The following RGS6 variants were observed in gnomAD, a reference collection of about 807,000 sequenced individuals.
RGS6 encodes the protein regulator of G protein signaling 6.
Under a neutral mutation model 78.5 loss-of-function variants are expected in RGS6, and 30 were observed. The ratio of observed to expected loss-of-function variants is 0.38; its 90% CI spans 0.29 to 0.52. The LOEUF (loss-of-function observed/expected upper bound fraction) is 0.52. Ranked by LOEUF, RGS6 falls within the 20% of genes least tolerant of loss-of-function variation. The probability of loss-of-function intolerance (pLI) is 0.85; values close to 1 mark genes in which losing one functional copy is unlikely to be tolerated. For synonymous variants in RGS6, 206 were observed against 206.0 expected, an observed-to-expected ratio of 1.00 and a Z score of 0.00; for missense variants, 495 against 609.7, an observed-to-expected ratio of 0.81 and a Z score of 1.98.
At chr14:72,061,031 C>T (rs1043994582) in intron 2 of RGS6, among the ~76,000 whole-genome samples, 1 of 152,164 alleles carries the variant, frequency 6.6e-6, no homozygotes, top group African/African-American at 2.4e-5. Flanking sequence ...TGCAAATATT[C>T]TGGCAGCATT....
At chr14:71,986,012 C>A (rs1382934925) in intron 2 of RGS6, among the ~76,000 whole-genome samples, 1 of 152,156 alleles carries the variant, frequency 6.6e-6, no homozygotes, top group Non-Finnish European at 1.5e-5. Flanking sequence ...GTTCTGCAGC[C>A]AAGTTTGAAG....
chr14:72,439,810 T>A (rs890897625), intron 3 of RGS6, among the ~76,000 whole-genome samples: 2 of 152,202 alleles, frequency 1.3e-5, no homozygotes, highest in African/African-American at 4.8e-5. Context: ...CTGGCAGACC[T>A]TCATCAGAGA....
chr14:72,387,357 G>A (rs763029686), intron 3 of RGS6, among the ~76,000 whole-genome samples: 8 of 152,234 alleles, frequency 5.3e-5, no homozygotes, highest in South Asian at 2.1e-4. Flanking sequence ...AGACCATCCT[G>A]GCTAACACAG....
At position 72,017,555 on chromosome 14, in the gene RGS6, C is replaced by G. The variant is rs115691246; in HGVS notation, c.84+52680C>G. Among the ~76,000 whole-genome samples the G allele has an allele frequency of 4.6e-3, 703 of 152,214 alleles. 5 individuals carry two copies. Among genetic ancestry groups the G allele is most frequent in the African/African-American group, 0.016 (682 of 41,524 alleles). On this transcript the variant is annotated intron_variant, in intron 2 of 17. Transcript: ENST00000553525. ...TTATAACATCAGAGTTGAATAGTTGCAACAGAGACTACCTAGTTTGCAAAG... is the reference window on the plus strand; with the variant it reads ...TTATAACATCAGAGTTGAATAGTTGGAACAGAGACTACCTAGTTTGCAAAG...
At position 72,493,653 on chromosome 14, in the gene RGS6, G is replaced by T. The variant is rs2096607295; in HGVS notation, c.855-1499G>T. On this transcript the variant is annotated intron_variant, in intron 12 of 17. Coordinates refer to ENST00000553525, the MANE Select transcript of RGS6 (RefSeq NM_001204424.2). ...AACCAGCAAGGGCCATCATGAAATT[G>T]CAGAACACTCTAGCAATAAAGAGAT... Among the ~76,000 whole-genome samples, 3 of 152,064 alleles carry T rather than the reference G, an allele frequency of 2.0e-5. No individual in the cohort carries two copies. In the South Asian group the frequency reaches 6.2e-4, roughly 31 times the overall value.
intron 2 of RGS6, among the ~76,000 whole-genome samples, chr14:72,189,786 C>A (rs1458319468): frequency 1.3e-5 from 2 of 152,022 alleles, no homozygotes; most frequent in South Asian, 4.2e-4. Flanking sequence ...TCTTTCTAGG[C>A]AGAAATGAAT....
intron 2 of RGS6, among the ~76,000 whole-genome samples, chr14:72,210,969 A>G (rs1308113571): frequency 6.6e-6 from 1 of 152,182 alleles, no homozygotes; most frequent in African/African-American, 2.4e-5. Flanking sequence ...AAAATGGCCA[A>G]TGTGACATTT....
rs10131300 is a variant in RGS6, at chr14:72,472,787, C to A, written c.537-85C>A. Reference sequence around the variant, plus strand: ...GGCCTTGTGTTCACTTAGCCCCTAGCAACAGGAGCAAACGCTGGAGCAAGT... The same window carrying A: ...GGCCTTGTGTTCACTTAGCCCCTAGAAACAGGAGCAAACGCTGGAGCAAGT... On this transcript the variant is annotated intron_variant, in intron 8 of 17. Transcript: ENST00000553525. 0.71 allele frequency: 691,773 copies of A among 979,808 alleles called. 246,975 individuals are homozygous for A. The highest frequency in any genetic ancestry group is 0.98 in the East Asian group (39,554 of 40,256). 60.7% of individuals were successfully genotyped at this position (979,808 alleles called of 1,614,324 possible). A position where few individuals can be genotyped will look rare whatever the true frequency, so the allele number is the denominator to read the frequency against.
intron 2 of RGS6, chr14:71,990,899 G>C: frequency 2.2e-6 from 1 of 454,726 alleles, no homozygotes; most frequent in Non-Finnish European, 4.4e-6. Flanking sequence ...TCAGTGCTTG[G>C]TGTAGCATCC....
At chr14:72,552,419 G>A (rs1363278796) in intron 17 of RGS6, among the ~76,000 whole-genome samples, 3 of 152,204 alleles carry the variant, frequency 2.0e-5, no homozygotes, top group Non-Finnish European at 4.4e-5. Flanking sequence ...CCAGGCAAAT[G>A]GTGCACGTGT....
intron 2 of RGS6, among the ~76,000 whole-genome samples, chr14:72,056,212 T>TA (rs2093611203): frequency 6.6e-6 from 1 of 152,164 alleles, no homozygotes; most frequent in South Asian, 2.1e-4. Flanking sequence ...CCCAGAGAAG[T>TA]TAAGAAGCCT....
At chr14:72,410,505 C>A (rs1031045037) in intron 3 of RGS6, among the ~76,000 whole-genome samples, 1 of 152,076 alleles carries the variant, frequency 6.6e-6, no homozygotes, top group African/African-American at 2.4e-5. Context: ...ACATTTTCTC[C>A]CATTCTGTAG....
At chr14:72,381,745 A>G (rs1351913598) in intron 3 of RGS6, among the ~76,000 whole-genome samples, 3 of 152,162 alleles carry the variant, frequency 2.0e-5, no homozygotes, top group Non-Finnish European at 2.9e-5. Flanking sequence ...AAGGAATGAT[A>G]AATACTGTGG....
chr14:72,394,482 G>C (rs1159109553), intron 3 of RGS6, among the ~76,000 whole-genome samples: 1 of 152,136 alleles, frequency 6.6e-6, no homozygotes, highest in African/African-American at 2.4e-5. Context: ...GACATTCCTA[G>C]AGCGGCCATT....
intron 2 of RGS6, among the ~76,000 whole-genome samples, chr14:72,152,003 G>A (rs2096696646): frequency 6.6e-6 from 1 of 152,188 alleles, no homozygotes; most frequent in Non-Finnish European, 1.5e-5. Context: ...TTCCCAAGGA[G>A]ATTTGGGTTG....
intron 2 of RGS6, among the ~76,000 whole-genome samples, chr14:72,040,790 A>C (rs972516060): frequency 2.0e-5 from 3 of 152,094 alleles, no homozygotes; most frequent in African/African-American, 7.2e-5. Flanking sequence ...TGACTAGAAA[A>C]TTTCAAATGA....
intron 2 of RGS6, among the ~76,000 whole-genome samples, chr14:71,988,131 T>C (rs1758928692): frequency 6.6e-6 from 1 of 152,128 alleles, no homozygotes; most frequent in African/African-American, 2.4e-5. Flanking sequence ...CCCTGGGCGC[T>C]AATGTGACTC....
intron 1 of RGS6, among the ~76,000 whole-genome samples, chr14:71,952,902 T>C (rs1394678434): frequency 1.3e-5 from 2 of 152,190 alleles, no homozygotes; most frequent in African/African-American, 4.8e-5. Flanking sequence ...AGTGCTTTTC[T>C]TCTTAGGTCC....
At chr14:72,510,614 G>A (rs1418838678) in intron 14 of RGS6, among the ~76,000 whole-genome samples, 2 of 152,224 alleles carry the variant, frequency 1.3e-5, no homozygotes, top group African/African-American at 4.8e-5. Flanking sequence ...TCAGAGTGGA[G>A]AGGCATCTCA....
Sources: allele counts gnomAD v4.1 joint callset (sites outside exome capture counted in the v4.1 genomes callset), GRCh38; gene constraint gnomAD v4.1.1; transcripts MANE v1.5; gene names NCBI Gene and HGNC (gene_info 2026-07-23, HGNC 2026-07-21).